AMDHD1: variants seen among roughly 807,000 people sequenced by gnomAD.
The protein encoded by AMDHD1 is probable imidazolonepropionase.
A neutral mutation model predicts 44.1 loss-of-function variants in AMDHD1; 45 were observed. That is an observed-to-expected ratio of 1.02 (90% confidence interval 0.80 to 1.31). The LOEUF is 1.31. Among genes scored for constraint, AMDHD1 ranks in the 50% most tolerant of loss-of-function variants. The pLI, the probability that AMDHD1 is intolerant of heterozygous loss-of-function variation, is 0.00. For synonymous variants in AMDHD1, 206 were observed against 205.0 expected, an observed-to-expected ratio of 1.00 and a Z score of -0.04; for missense variants, 586 against 552.1, an observed-to-expected ratio of 1.06 and a Z score of -0.61.
intron 8 of AMDHD1, 109 bp from the exon 9 acceptor site, chr12:95,967,647 T>C (rs2080617985): frequency 1.2e-6 from 1 of 840,338 alleles, no homozygotes; most frequent in Non-Finnish European, 1.8e-6. Flanking sequence ...TGACTGGGTG[T>C]AAATAAATGT....
chr12:95,965,584 G>T, intron 6 of AMDHD1, 102 bp from the exon 7 acceptor site: 1 of 635,556 alleles, frequency 1.6e-6, no homozygotes, highest in Non-Finnish European at 2.7e-6. Context: ...TCTTCTTCCA[G>T]AATATGAAGG....
rs114023500 is a variant in AMDHD1 at position 95,968,374 on chromosome 12, C to T, written c.*531C>T. On this transcript the variant is annotated 3_prime_UTR_variant, in exon 9 of 9. Transcript: ENST00000266736. ...TGTCCTCTGATGAAGAGTGTCCTTC[C>T]GTTTCTAAGGTCTTCTCAATCTCAG... is the stretch of plus-strand genomic sequence containing the variant. 2 of 153,152 alleles carry T rather than the reference C, an allele frequency of 1.3e-5. No individual in the cohort carries two copies. Among genetic ancestry groups the T allele is most frequent in the African/African-American group, 2.4e-5 (1 of 41,444 alleles). The allele number at this position is 153,152 out of a possible 1,614,324, so 9.5% of individuals were successfully genotyped here.
At chr12:95,946,101 G>A (rs2080494631) in intron 1 of AMDHD1, among the ~76,000 whole-genome samples, 1 of 147,454 alleles carries the variant, frequency 6.8e-6, no homozygotes, top group Admixed American at 6.8e-5. Flanking sequence ...GTAGATTGCA[G>A]TTAATCTTGA....
chr12:95,961,923 C>A (rs1258865525), intron 5 of AMDHD1, among the ~76,000 whole-genome samples: 1 of 152,206 alleles, frequency 6.6e-6, no homozygotes, highest in Non-Finnish European at 1.5e-5. Flanking sequence ...GGGCTTACAA[C>A]GGTTGGTTGG....
In AMDHD1 at chr12:95,943,397, A is replaced by C. The variant is rs1307382791; in HGVS notation, c.-2A>C. On this transcript the variant is annotated 5_prime_UTR_variant, in exon 1 of 9. Transcript: ENST00000266736. ...TCCCGGCGACCCTCGGCGCGAGGCGACATGGCAAGCGGCCACAGCCTCCTG... is the reference window on the plus strand; with the variant it reads ...TCCCGGCGACCCTCGGCGCGAGGCGCCATGGCAAGCGGCCACAGCCTCCTG... 2.7e-6 allele frequency: 4 copies of C among 1,492,588 alleles called. No homozygotes were observed. The highest frequency in any genetic ancestry group is 3.5e-6 in the Non-Finnish European group (4 of 1,127,826). 92.5% of individuals were successfully genotyped at this position (1,492,588 alleles called of 1,614,324 possible).
chr12:95,965,940 C>G (rs1416747278), intron 7 of AMDHD1, among the ~76,000 whole-genome samples, 161 bp downstream of exon 7: 1 of 152,286 alleles, frequency 6.6e-6, no homozygotes, highest in African/African-American at 2.4e-5. Flanking sequence ...TTGGATTTTT[C>G]TGTCCCACAT....
Position 95,956,918 on chromosome 12 carries a change from C to T in AMDHD1, c.543C>T (p.Asp181=). The T allele has an allele frequency of 6.2e-7, 1 of 1,612,898 alleles. No homozygotes were observed. Among genetic ancestry groups the T allele is most frequent in the Non-Finnish European group, 8.5e-7 (1 of 1,179,958 alleles). Reference sequence around the variant, plus strand: ...TTGAGCGCGCCCGGCGGGAGCTGGACATCGGCATCTCGGCTACCTACTGCG... The same window carrying T: ...TTGAGCGCGCCCGGCGGGAGCTGGATATCGGCATCTCGGCTACCTACTGCG... ...RVIERARREL[D]IGISATYCGA... Residue 181 remains aspartate (D), a synonymous_variant, in exon 4 of 9, where the codon GAC becomes GAT. Coordinates refer to ENST00000266736, the MANE Select transcript of AMDHD1 (RefSeq NM_152435.3).
At chr12:95,954,627 A>G (rs2080541311) in intron 2 of AMDHD1, among the ~76,000 whole-genome samples, 1 of 144,948 alleles carries the variant, frequency 6.9e-6, no homozygotes, top group Non-Finnish European at 1.5e-5. Context: ...TTTGGTGAGC[A>G]TGGACTTACT....
chr12:95,956,309 C>T (rs2080549263), intron 3 of AMDHD1, among the ~76,000 whole-genome samples: 1 of 152,130 alleles, frequency 6.6e-6, no homozygotes, highest in Non-Finnish European at 1.5e-5. Context: ...GGGGTTTCAC[C>T]ATATTGGTCA....
Position 95,960,517 on chromosome 12 carries a change from G to T in AMDHD1, c.707G>T (p.Gly236Val), listed in dbSNP as rs754025263. 6.2e-7 allele frequency: 1 copy of T among 1,614,104 alleles called. No individual in the cohort carries two copies. The highest frequency in any genetic ancestry group is 1.3e-5 in the African/African-American group (1 of 74,936). The change falls in exon 5 of 9, where the codon GGT becomes GTT. Residue 236 changes from glycine to valine, a missense_variant. Physicochemically the swap from Gly to Val is moderately radical, Grantham distance 109. Transcript: ENST00000266736. ...VDNIDVFCEKGVFDLDSTRRI... is the reference protein window; with the variant it reads ...VDNIDVFCEKVVFDLDSTRRI... ...AATATAGACGTATTTTGTGAGAAAG[G>T]TGTCTTTGATCTCGATTCCACCAGA...
intron 6 of AMDHD1, among the ~76,000 whole-genome samples, chr12:95,963,768 G>A (rs915908514): frequency 1.8e-4 from 27 of 152,156 alleles, no homozygotes; most frequent in African/African-American, 5.3e-4. Context: ...AGTGGCTCAC[G>A]CCTGTAATCC....
chr12:95,958,925 C>A (rs2080565857), intron 4 of AMDHD1, among the ~76,000 whole-genome samples: 1 of 152,046 alleles, frequency 6.6e-6, no homozygotes, highest in Non-Finnish European at 1.5e-5. Flanking sequence ...CGTGGTGGCA[C>A]ATGCCTGTAA....
chr12:95,955,255 G>C (rs188119049), intron 3 of AMDHD1, among the ~76,000 whole-genome samples: 1 of 152,248 alleles, frequency 6.6e-6, no homozygotes, highest in African/African-American at 2.4e-5. Flanking sequence ...TTTTGAAAGG[G>C]CTCCAAGGAA....
At chr12:95,949,287 A>C (rs2080516353) in intron 1 of AMDHD1, among the ~76,000 whole-genome samples, 1 of 152,176 alleles carries the variant, frequency 6.6e-6, no homozygotes. Flanking sequence ...GAGACAGTGT[A>C]TGTGCCAATT....
intron 5 of AMDHD1, among the ~76,000 whole-genome samples, chr12:95,961,222 C>T (rs1431783583): frequency 6.6e-6 from 1 of 151,938 alleles, no homozygotes; most frequent in African/African-American, 2.4e-5. Context: ...TTTTGCTTGG[C>T]ACACAAAGCC....
chr12:95,961,956 G>A (rs1473340859), intron 5 of AMDHD1, among the ~76,000 whole-genome samples: 1 of 152,160 alleles, frequency 6.6e-6, no homozygotes, highest in Admixed American at 6.5e-5. Context: ...ATAATAAAAC[G>A]CTGTTTCTCT....
intron 1 of AMDHD1, among the ~76,000 whole-genome samples, chr12:95,950,650 T>C (rs11108349): frequency 0.016 from 2,418 of 152,304 alleles, 63 homozygotes; most frequent in African/African-American, 0.054. Context: ...GCTGCCTTGC[T>C]CTCCCATGCA....
In AMDHD1 at chr12:95,954,953, G is replaced by C; in HGVS notation, c.287G>C (p.Arg96Thr). The stretch of plus-strand genomic sequence containing the variant: ...ACACATCCAGTATGGGCTGGTGAAA[G>C]AGTTCACGAATTTGCAATGAAGGTA... The part of the protein sequence containing the change: ...AHTHPVWAGE[R>T]VHEFAMKLAG... The change falls in exon 3 of 9, where the codon AGA becomes ACA. Residue 96 changes from arginine to threonine, a missense_variant. By Grantham distance (71) the Arg-to-Thr change is moderately conservative. Coordinates refer to ENST00000266736, the MANE Select transcript of AMDHD1 (RefSeq NM_152435.3). 6.2e-7 allele frequency: 1 copy of C among 1,614,184 alleles called. No individual in the cohort carries two copies. Among genetic ancestry groups the C allele is most frequent in the Non-Finnish European group, 8.5e-7 (1 of 1,180,018 alleles).
intron 5 of AMDHD1, among the ~76,000 whole-genome samples, chr12:95,960,995 T>G (rs1043111199): frequency 6.6e-6 from 1 of 151,690 alleles, no homozygotes; most frequent in African/African-American, 2.4e-5. Flanking sequence ...ACTAAAAATA[T>G]AAAAAATTAG....
Sources: allele counts gnomAD v4.1 joint callset (sites outside exome capture counted in the v4.1 genomes callset), GRCh38; gene constraint gnomAD v4.1.1; transcripts MANE v1.5; gene names NCBI Gene and HGNC (gene_info 2026-07-23, HGNC 2026-07-21).